The following RERE variants were observed in gnomAD, a reference collection of about 807,000 sequenced individuals.
RERE encodes the protein arginine-glutamic acid dipeptide repeats, also known as arginine-glutamic acid dipeptide repeats protein.
In RERE, 40 loss-of-function variants were observed where a neutral mutation model predicts 146.1. That is an observed-to-expected ratio of 0.27 (90% confidence interval 0.21 to 0.36). The LOEUF (loss-of-function observed/expected upper bound fraction) is 0.36. Among genes scored for constraint, RERE ranks in the 10% least tolerant of loss-of-function variants. RERE has a pLI of 1.00. For synonymous variants in RERE, 1,003 were observed against 866.0 expected (o/e 1.16, Z -2.78); for missense variants, 1,933 against 2,138.7 (o/e 0.90, Z 1.90).
At position 8,709,244 on chromosome 1, in the gene RERE, A is replaced by G. The variant is rs868135139; in HGVS notation, c.-144-52803T>C. Among the ~76,000 whole-genome samples, 10 of 151,850 alleles carry G rather than the reference A, an allele frequency of 6.6e-5. 1 individual carries two copies. Among genetic ancestry groups the G allele is most frequent in the South Asian group, 6.2e-4 (3 of 4,820 alleles). ...AACTCTAGAGTTTTTAAAAGAAAAA[A>G]GAAAAATATAAAATTCTTGAAGCTC... On this transcript the variant is annotated intron_variant, in intron 1 of 22. Transcript: ENST00000400908.
chr1:8,717,234 G>T (rs1639782348), intron 1 of RERE, among the ~76,000 whole-genome samples: 1 of 152,160 alleles, frequency 6.6e-6, no homozygotes, highest in Non-Finnish European at 1.5e-5. Context: ...TTTTGAAAAA[G>T]AGAGTAAGAA....
intron 12 of RERE, among the ~76,000 whole-genome samples, chr1:8,370,531 C>G (rs928285001): frequency 1.3e-5 from 2 of 152,162 alleles, no homozygotes; most frequent in African/African-American, 4.8e-5. Flanking sequence ...AGAAAAACAA[C>G]AACAAATCCA....
chr1:8,530,465 T>C (rs1015104088), intron 7 of RERE, among the ~76,000 whole-genome samples: 1 of 152,122 alleles, frequency 6.6e-6, no homozygotes, highest in Non-Finnish European at 1.5e-5. Flanking sequence ...TCTACAACGT[T>C]GTATTCATTA....
chr1:8,446,926 G>A (rs1161976474), intron 11 of RERE, among the ~76,000 whole-genome samples: 1 of 151,696 alleles, frequency 6.6e-6, no homozygotes. Flanking sequence ...TGATCCGCCC[G>A]CCTCGGCCTC....
At chr1:8,383,080 C>G (rs2124410489) in intron 12 of RERE, among the ~76,000 whole-genome samples, 1 of 151,800 alleles carries the variant, frequency 6.6e-6, no homozygotes, top group South Asian at 2.1e-4. Flanking sequence ...TCATGTTTCC[C>G]CTAGAACGAC....
intron 6 of RERE, among the ~76,000 whole-genome samples, chr1:8,551,809 C>T (rs577488043): frequency 4.3e-4 from 65 of 152,164 alleles, no homozygotes; most frequent in Non-Finnish European, 8.4e-4. Flanking sequence ...CGTTAAAAAA[C>T]GTGACACTGG....
chr1:8,530,679 C>CG (rs1374845884), intron 7 of RERE, among the ~76,000 whole-genome samples: 2 of 96,952 alleles, frequency 2.1e-5, no homozygotes, highest in South Asian at 3.6e-4. Flanking sequence ...TTTTCGTTTT[C>CG]TTTTTTTTTT....
intron 1 of RERE, among the ~76,000 whole-genome samples, chr1:8,765,054 C>T (rs1435380577): frequency 1.3e-5 from 2 of 152,168 alleles, no homozygotes; most frequent in South Asian, 2.1e-4. Context: ...TGTACATGAA[C>T]GTTCACAACA....
In RERE at chr1:8,516,227, G is replaced by GAA. The variant is rs58064164; in HGVS notation, c.831-7554_831-7553dup. Among the ~76,000 whole-genome samples the GAA allele has an allele frequency of 3.8e-3, 198 of 52,294 alleles. 17 individuals are homozygous for GAA. The highest frequency in any genetic ancestry group is 0.037 in the Middle Eastern group (3 of 80). 34.3% of individuals were successfully genotyped at this position (52,294 alleles called of 152,430 possible). A position where few individuals can be genotyped will look rare whatever the true frequency, so the allele number is the denominator to read the frequency against. On this transcript the variant is annotated intron_variant, in intron 7 of 22. Transcript: ENST00000400908. ...GGGACGGAGCAAGACTCTCTCAGAGGAAAAAAAAAAAAAAAAAAAAAATCT... is the reference window on the plus strand; with the variant it reads ...GGGACGGAGCAAGACTCTCTCAGAGGAAAAAAAAAAAAAAAAAAAAAAAATCT...
chr1:8,796,792 T>C (rs930849547), intron 1 of RERE: 1 of 152,056 alleles, frequency 6.6e-6, no homozygotes, highest in Non-Finnish European at 1.5e-5. Context: ...ACCACAATTT[T>C]AGGAATATTT....
At chr1:8,779,853 A>C (rs530982933) in intron 1 of RERE, among the ~76,000 whole-genome samples, 1 of 152,318 alleles carries the variant, frequency 6.6e-6, no homozygotes, top group South Asian at 2.1e-4. Flanking sequence ...AATGATGATG[A>C]AAATTTATGA....
chr1:8,395,290 A>G (rs965210259), intron 12 of RERE, among the ~76,000 whole-genome samples: 24 of 152,180 alleles, frequency 1.6e-4, no homozygotes, highest in East Asian at 5.8e-4. Flanking sequence ...CCTCGCCAAT[A>G]TGGTGAAACC....
At chr1:8,545,559 G>A (rs576144977) in intron 6 of RERE, among the ~76,000 whole-genome samples, 5 of 152,112 alleles carry the variant, frequency 3.3e-5, no homozygotes, top group East Asian at 1.9e-4. Context: ...TCAGGACAAC[G>A]TGCACGAGCA....
At chr1:8,703,451 G>C (rs1639500761) in intron 1 of RERE, among the ~76,000 whole-genome samples, 1 of 151,822 alleles carries the variant, frequency 6.6e-6, no homozygotes, top group Non-Finnish European at 1.5e-5. Context: ...GACGGCGGCG[G>C]CCGGCAAAAC....
intron 2 of RERE, among the ~76,000 whole-genome samples, chr1:8,635,560 G>A (rs1423113228): frequency 1.3e-5 from 2 of 152,218 alleles, no homozygotes; most frequent in Non-Finnish European, 2.9e-5. Flanking sequence ...AACACTTAAT[G>A]AGAGTGTTGC....
rs140410373 is a variant in RERE, at chr1:8,519,353, G to GC, written c.831-10679dup. Among the ~76,000 whole-genome samples the GC allele has an allele frequency of 5.2e-3, 798 of 152,266 alleles. 7 individuals carry two copies. Among genetic ancestry groups the GC allele is most frequent in the African/African-American group, 0.018 (767 of 41,568 alleles). ...AGGCTGACACAAGAGGATCACTTGA[G>GC]CCCAGGAGTTTTGAGGTTGCAGTGA... On this transcript the variant is annotated intron_variant, in intron 7 of 22. Transcript: ENST00000400908.
chr1:8,501,764 G>C (rs1455072767), intron 8 of RERE, among the ~76,000 whole-genome samples: 1 of 127,854 alleles, frequency 7.8e-6, no homozygotes, highest in African/African-American at 2.9e-5. Context: ...GGAGGTGGGG[G>C]GATCAGCCCC....
intron 1 of RERE, among the ~76,000 whole-genome samples, chr1:8,804,624 C>G (rs1641648631): frequency 6.6e-6 from 1 of 152,172 alleles, no homozygotes; most frequent in Admixed American, 6.5e-5. Flanking sequence ...AGGGACACAG[C>G]AGAAGCGATA....
chr1:8,784,210 C>T (rs1350666147), intron 1 of RERE, among the ~76,000 whole-genome samples: 1 of 152,228 alleles, frequency 6.6e-6, no homozygotes, highest in Non-Finnish European at 1.5e-5. Context: ...CGCTGCAGAA[C>T]TTCACATGGC....
Sources: gnomAD v4.1 joint callset for allele counts (sites outside exome capture counted in the v4.1 genomes callset) on GRCh38, gnomAD v4.1.1 for gene constraint, MANE v1.5 for transcripts, NCBI Gene and HGNC (gene_info 2026-07-23, HGNC 2026-07-21) for gene names.